ABTB2: variants seen among roughly 807,000 people sequenced by gnomAD.
ABTB2 encodes ankyrin repeat and BTB/POZ domain-containing protein 2.
In ABTB2, 56 loss-of-function variants were observed where a neutral mutation model predicts 104.1. The ratio of observed to expected loss-of-function variants is 0.54; its 90% CI spans 0.43 to 0.67. The LOEUF is 0.67. Among genes scored for constraint, ABTB2 ranks in the 30% least tolerant of loss-of-function variants. The pLI, the probability that ABTB2 is intolerant of heterozygous loss-of-function variation, is 0.00. For synonymous variants in ABTB2, 606 were observed against 608.2 expected, an observed-to-expected ratio of 1.00 and a Z score of 0.05; for missense variants, 1,279 against 1,407.7, an observed-to-expected ratio of 0.91 and a Z score of 1.46.
rs560362147 is a variant in ABTB2, at chr11:34,326,081, C to A, written c.883+30620G>T. Among the ~76,000 whole-genome samples the A allele has an allele frequency of 3.3e-5, 5 of 152,032 alleles. No individual in the cohort carries two copies. The East Asian group carries it at 9.6e-4, about 29-fold the overall frequency. ...AGTGAGGTAAAACCAACTCTTAATT[C>A]CTTCCAGGTCTTTCTTCTCTCTCTG... is the stretch of plus-strand genomic sequence containing the variant. On this transcript the variant is annotated intron_variant, in intron 1 of 16. Transcript: ENST00000435224.
intron 1 of ABTB2, among the ~76,000 whole-genome samples, chr11:34,317,531 G>C (rs1266026429): frequency 6.6e-6 from 1 of 152,124 alleles, no homozygotes; most frequent in Non-Finnish European, 1.5e-5. Context: ...CCAGCAGTCT[G>C]GGAGGCTGAA....
chr11:34,306,522 C>T (rs555192110), intron 1 of ABTB2, among the ~76,000 whole-genome samples: 1 of 152,206 alleles, frequency 6.6e-6, no homozygotes, highest in African/African-American at 2.4e-5. Context: ...GCTATGATTA[C>T]AGGCGTGAGC....
intron 1 of ABTB2, among the ~76,000 whole-genome samples, chr11:34,332,422 C>T (rs1855142480): frequency 6.6e-6 from 1 of 152,140 alleles, no homozygotes; most frequent in African/African-American, 2.4e-5. Context: ...AAAATTATTC[C>T]CTCCGAAAAT....
chr11:34,229,221 G>A (rs904885677), intron 1 of ABTB2, among the ~76,000 whole-genome samples: 2 of 151,618 alleles, frequency 1.3e-5, no homozygotes, highest in East Asian at 1.9e-4. Flanking sequence ...GGTGGCTCAC[G>A]CCTGTAATCG....
chr11:34,350,631 T>A (rs1441179279), intron 1 of ABTB2, among the ~76,000 whole-genome samples: 1 of 152,212 alleles, frequency 6.6e-6, no homozygotes, highest in Admixed American at 6.5e-5. Context: ...TGGGTGTCAG[T>A]GCCTGCTCTT....
At chr11:34,281,315 C>T (rs1053114915) in intron 1 of ABTB2, among the ~76,000 whole-genome samples, 2 of 152,178 alleles carry the variant, frequency 1.3e-5, no homozygotes, top group Non-Finnish European at 1.5e-5. Flanking sequence ...ATCCCAGGTC[C>T]TAGCTCTGTA....
intron 1 of ABTB2, among the ~76,000 whole-genome samples, chr11:34,259,929 C>T (rs1420568801): frequency 6.6e-6 from 1 of 152,088 alleles, no homozygotes; most frequent in East Asian, 1.9e-4. Context: ...CTTAGCCTCC[C>T]GAGGAGCTGA....
Position 34,154,327 on chromosome 11 carries a change from C to T in ABTB2, c.2818G>A (p.Glu940Lys), listed in dbSNP as rs1309767366. The change falls in exon 16 of 17, where the codon GAG becomes AAG. Residue 940 changes from glutamate (E) to lysine (K), a missense_variant. Transcript: ENST00000435224. This position sits in a 1 kb window ranked among gnomAD's most constrained non-coding sequence, Gnocchi z 4.9. ...CTGAGGGTCTGGGAGCACAGGATCT[C>T]GCAGTGCCTCTGCAGGGCATCCAGC... ...FQLDALQRHC[E>K]ILCSQTLSME... 10 of 1,613,918 alleles carry T rather than the reference C, an allele frequency of 6.2e-6. No individual in the cohort carries two copies. The highest frequency in any genetic ancestry group is 2.2e-5 in the East Asian group (1 of 44,890).
chr11:34,227,854 C>A (rs1853707817), intron 1 of ABTB2, among the ~76,000 whole-genome samples: 1 of 150,974 alleles, frequency 6.6e-6, no homozygotes, highest in African/African-American at 2.4e-5. Context: ...CCTGCCTCAG[C>A]CACCTGAGTA....
At chr11:34,316,267 G>A (rs148107279) in intron 1 of ABTB2, among the ~76,000 whole-genome samples, 3 of 152,168 alleles carry the variant, frequency 2.0e-5, no homozygotes, top group African/African-American at 4.8e-5. Context: ...CGGATCATAC[G>A]GACACTGCAA....
chr11:34,218,846 CAAAAAAAAAAAA>C (rs35803950), intron 1 of ABTB2, among the ~76,000 whole-genome samples: 6 of 60,968 alleles, frequency 9.8e-5, no homozygotes, highest in African/African-American at 1.9e-4. Flanking sequence ...AACTCCATCT[CAAAAAAAAAAAA>C]AAAAAAAAAA....
intron 3 of ABTB2, among the ~76,000 whole-genome samples, chr11:34,186,013 A>G (rs1398466555): frequency 1.3e-5 from 2 of 152,242 alleles, no homozygotes; most frequent in Admixed American, 6.5e-5. Context: ...GTCTTTCAGG[A>G]TACCAAACTG....
intron 1 of ABTB2, among the ~76,000 whole-genome samples, chr11:34,299,312 G>A (rs12793055): frequency 1.3e-5 from 2 of 152,168 alleles, no homozygotes; most frequent in African/African-American, 2.4e-5. Flanking sequence ...GGCTATACAC[G>A]ATGGTCATGG....
At chr11:34,239,176 A>T (rs1853882792) in intron 1 of ABTB2, among the ~76,000 whole-genome samples, 1 of 152,150 alleles carries the variant, frequency 6.6e-6, no homozygotes, top group South Asian at 2.1e-4. Flanking sequence ...ACACCTGATA[A>T]GGACCAGGGG....
At chr11:34,214,439 G>A (rs289976) in intron 1 of ABTB2, among the ~76,000 whole-genome samples, 7,175 of 151,528 alleles carry the variant, frequency 0.047, 257 homozygotes, top group Middle Eastern at 0.089. Context: ...TTTCTTCTGA[G>A]CAAAGAACAC....
chr11:34,165,534 A>G (rs1852787801), intron 7 of ABTB2, among the ~76,000 whole-genome samples, 178 bp from the exon 8 acceptor site: 1 of 152,230 alleles, frequency 6.6e-6, no homozygotes, highest in South Asian at 2.1e-4. Flanking sequence ...TCAGGGCTCA[A>G]AGTTTCTAGA....
At chr11:34,341,166 T>C (rs1486743075) in intron 1 of ABTB2, among the ~76,000 whole-genome samples, 1 of 152,234 alleles carries the variant, frequency 6.6e-6, no homozygotes, top group Non-Finnish European at 1.5e-5. Context: ...TTTTGTTATT[T>C]TGTTTAAATA....
At chr11:34,264,017 T>TAA (rs968299921) in intron 1 of ABTB2, among the ~76,000 whole-genome samples, 1 of 152,198 alleles carries the variant, frequency 6.6e-6, no homozygotes, top group Non-Finnish European at 1.5e-5. Flanking sequence ...CTGGCTTTGC[T>TAA]CTGTGAGATC....
At chr11:34,240,099 A>G (rs1853894254) in intron 1 of ABTB2, among the ~76,000 whole-genome samples, 1 of 152,222 alleles carries the variant, frequency 6.6e-6, no homozygotes, top group Admixed American at 6.5e-5. Flanking sequence ...CATAACCACA[A>G]CTGCTACTCA....
Sources: gnomAD v4.1 joint callset for allele counts (sites outside exome capture counted in the v4.1 genomes callset) on GRCh38, gnomAD v4.1.1 for gene constraint, Gnocchi (gnomAD v3.1) non-coding constraint, MANE v1.5 for transcripts, NCBI Gene and HGNC (gene_info 2026-07-23, HGNC 2026-07-21) for gene names.